The following MBD5 variants were observed in gnomAD, a reference collection of about 807,000 sequenced individuals.
MBD5 encodes the protein methyl-CpG-binding domain protein 5.
MBD5 carries 13 observed loss-of-function variants against 117.3 expected under a neutral mutation model. The observed-to-expected ratio is 0.11, with a 90% confidence interval of 0.07 to 0.18. The LOEUF (loss-of-function observed/expected upper bound fraction) is 0.18. Ranked by LOEUF, MBD5 falls within the 10% of genes least tolerant of loss-of-function variation. The probability of loss-of-function intolerance (pLI) is 1.00; values close to 1 mark genes in which losing one functional copy is unlikely to be tolerated. For synonymous variants in MBD5, 727 were observed against 766.4 expected, an observed-to-expected ratio of 0.95 and a Z score of 0.85; for missense variants, 1,879 against 2,093.8, an observed-to-expected ratio of 0.90 and a Z score of 2.00.
At chr2:148,202,441 CA>C (rs1266255845) in intron 2 of MBD5, among the ~76,000 whole-genome samples, 2 of 151,824 alleles carry the variant, frequency 1.3e-5, no homozygotes, top group Non-Finnish European at 2.9e-5. Context: ...GTTGATTCAG[CA>C]AAAACAATTG....
rs73011219 is a variant in MBD5 at position 148,222,124 on chromosome 2, G to A, written c.-830-11121G>A. Among the ~76,000 whole-genome samples the A allele has an allele frequency of 5.4e-3, 820 of 152,166 alleles. 9 individuals are homozygous for A. Among genetic ancestry groups the A allele is most frequent in the African/African-American group, 0.019 (793 of 41,548 alleles). ...TTCTGTTCCGTTGGTCTACATGTGTGTTTTTATGTCAGTGCCATGCTGTTT... is the reference window on the plus strand; with the variant it reads ...TTCTGTTCCGTTGGTCTACATGTGTATTTTTATGTCAGTGCCATGCTGTTT... On this transcript the variant is annotated intron_variant, in intron 2 of 13. Coordinates refer to ENST00000642680, the MANE Select transcript of MBD5 (RefSeq NM_001378120.1).
chr2:148,363,860 C>T (rs563415914), intron 4 of MBD5, among the ~76,000 whole-genome samples: 84 of 152,228 alleles, frequency 5.5e-4, no homozygotes, highest in African/African-American at 1.8e-3. Context: ...AAGACCAAAC[C>T]TGTGTTTGAT....
intron 1 of MBD5, among the ~76,000 whole-genome samples, chr2:148,161,957 G>A (rs1698016371): frequency 6.6e-6 from 1 of 152,120 alleles, no homozygotes; most frequent in Non-Finnish European, 1.5e-5. Flanking sequence ...GATGTTTAAT[G>A]GTTTTGCTAA....
In MBD5 at chr2:148,368,000, C is replaced by A. The variant is rs1255485760; in HGVS notation, c.-557+25664C>A. Among the ~76,000 whole-genome samples, 3 of 152,150 alleles carry A rather than the reference C, an allele frequency of 2.0e-5. 1 individual carries two copies. Among genetic ancestry groups the A allele is most frequent in the East Asian group, 3.9e-4 (2 of 5,192 alleles). ...GTTATATACCCAAAGGATTATAAAT[C>A]ATTCTACTATAAAGACACATGCTCA... On this transcript the variant is annotated intron_variant, in intron 4 of 13. Coordinates refer to ENST00000642680, the MANE Select transcript of MBD5 (RefSeq NM_001378120.1).
chr2:148,310,789 A>C (rs1366283286), intron 3 of MBD5, among the ~76,000 whole-genome samples: 1 of 152,206 alleles, frequency 6.6e-6, no homozygotes, highest in African/African-American at 2.4e-5. Flanking sequence ...ATTTGGTCCT[A>C]TAAATTTCCC....
At chr2:148,129,594 GGT>G (rs1168733649) in intron 1 of MBD5, among the ~76,000 whole-genome samples, 1 of 152,116 alleles carries the variant, frequency 6.6e-6, no homozygotes, top group Non-Finnish European at 1.5e-5. Context: ...GTACAAAGAA[GGT>G]TGTCACTATA....
At chr2:148,250,408 G>T (rs1700438702) in intron 3 of MBD5, among the ~76,000 whole-genome samples, 1 of 152,174 alleles carries the variant, frequency 6.6e-6, no homozygotes, top group African/African-American at 2.4e-5. Flanking sequence ...AAGTTTACCT[G>T]TGTAACAAAC....
chr2:148,237,725 T>G (rs1163336819), intron 3 of MBD5, among the ~76,000 whole-genome samples: 1 of 152,172 alleles, frequency 6.6e-6, no homozygotes, highest in Admixed American at 6.5e-5. Flanking sequence ...ACGGCACCGA[T>G]GGACTTGCTC....
intron 3 of MBD5, among the ~76,000 whole-genome samples, chr2:148,314,089 A>G (rs1353424624): frequency 6.6e-6 from 1 of 151,906 alleles, no homozygotes; most frequent in Non-Finnish European, 1.5e-5. Context: ...CTATTCGGTC[A>G]TCTTGCCAGC....
intron 3 of MBD5, among the ~76,000 whole-genome samples, chr2:148,278,390 G>C (rs1475055499): frequency 6.6e-6 from 1 of 152,052 alleles, no homozygotes; most frequent in Non-Finnish European, 1.5e-5. Flanking sequence ...CTTGTTGATT[G>C]TGTTGTTCAA....
At chr2:148,321,336 T>C (rs1360192971) in intron 3 of MBD5, among the ~76,000 whole-genome samples, 1 of 152,124 alleles carries the variant, frequency 6.6e-6, no homozygotes, top group Admixed American at 6.5e-5. Flanking sequence ...AAAAATCATA[T>C]AAAGTTTTAA....
intron 4 of MBD5, among the ~76,000 whole-genome samples, chr2:148,431,063 G>A (rs1705969650): frequency 1.3e-5 from 2 of 151,862 alleles, no homozygotes; most frequent in South Asian, 2.1e-4. Context: ...CCCCTACTTT[G>A]GAGAGGAACA....
Position 148,158,552 on chromosome 2 carries a change from G to C in MBD5, c.-924-20148G>C, listed in dbSNP as rs190349609. On this transcript the variant is annotated intron_variant, in intron 1 of 13. Coordinates refer to ENST00000642680, the MANE Select transcript of MBD5 (RefSeq NM_001378120.1). ...GAAAACGTTACTAGTATACCAACTT[G>C]GGAGGTTATACTTGGCCGTTTATAC... Among the ~76,000 whole-genome samples the C allele has an allele frequency of 2.2e-3, 328 of 152,284 alleles. 1 individual carries two copies. The highest frequency in any genetic ancestry group is 4.1e-3 in the Non-Finnish European group (276 of 68,030).
intron 4 of MBD5, among the ~76,000 whole-genome samples, chr2:148,409,043 A>G (rs935499530): frequency 2.0e-5 from 3 of 152,132 alleles, no homozygotes; most frequent in Non-Finnish European, 2.9e-5. Context: ...CCAGTCCCCT[A>G]TAGATACTAA....
intron 4 of MBD5, among the ~76,000 whole-genome samples, chr2:148,448,359 G>A (rs1706630012): frequency 6.6e-6 from 1 of 151,836 alleles, no homozygotes; most frequent in Non-Finnish European, 1.5e-5. Flanking sequence ...TTGCTGGAGA[G>A]ATTGACTGGA....
intron 8 of MBD5, among the ~76,000 whole-genome samples, chr2:148,478,660 C>T (rs1003227138): frequency 6.6e-6 from 1 of 152,148 alleles, no homozygotes; most frequent in Non-Finnish European, 1.5e-5. Flanking sequence ...CATGAGATCT[C>T]GCACCAAAGT....
chr2:148,283,553 TA>T (rs1429441684), intron 3 of MBD5, among the ~76,000 whole-genome samples: 1 of 152,206 alleles, frequency 6.6e-6, no homozygotes, highest in Non-Finnish European at 1.5e-5. Context: ...TTTCCTTTCC[TA>T]TTCAGATAAA....
chr2:148,351,553 G>C (rs184382594), intron 4 of MBD5, among the ~76,000 whole-genome samples: 2 of 147,708 alleles, frequency 1.4e-5, no homozygotes, highest in East Asian at 4.0e-4. Context: ...GCTACTATAA[G>C]TAATGCTGCT....
chr2:148,385,449 G>C (rs1361165992), intron 4 of MBD5, among the ~76,000 whole-genome samples: 1 of 152,112 alleles, frequency 6.6e-6, no homozygotes, highest in Non-Finnish European at 1.5e-5. Context: ...TCATTAAAAA[G>C]TCAGGAAACA....
Sources: allele counts gnomAD v4.1 joint callset (sites outside exome capture counted in the v4.1 genomes callset), GRCh38; gene constraint gnomAD v4.1.1; transcripts MANE v1.5; gene names NCBI Gene and HGNC (gene_info 2026-07-23, HGNC 2026-07-21).